Variants in CADPS2 observed in about 807,000 individuals in gnomAD.
CADPS2 encodes the protein calcium-dependent secretion activator 2.
A neutral mutation model predicts 172.5 loss-of-function variants in CADPS2; 93 were observed. The ratio of observed to expected loss-of-function variants is 0.54; its 90% CI spans 0.46 to 0.64. The LOEUF (loss-of-function observed/expected upper bound fraction) is 0.64, where lower values mean the gene tolerates loss of function less well. Among genes scored for constraint, CADPS2 ranks in the 30% least tolerant of loss-of-function variants. The probability of loss-of-function intolerance (pLI) is 0.00; values close to 1 mark genes in which losing one functional copy is unlikely to be tolerated. For synonymous variants in CADPS2, 546 were observed against 555.2 expected (o/e 0.98, Z 0.23); for missense variants, 1,420 against 1,565.9 (o/e 0.91, Z 1.57).
At chr7:122,464,952 A>AG (rs2054943965) in intron 14 of CADPS2, among the ~76,000 whole-genome samples, 1 of 152,210 alleles carries the variant, frequency 6.6e-6, no homozygotes, top group African/African-American at 2.4e-5. Context: ...AATAACATTA[A>AG]GGGAAACGGA....
chr7:122,474,779 G>T (rs1376645069), intron 12 of CADPS2, among the ~76,000 whole-genome samples: 6 of 152,076 alleles, frequency 3.9e-5, no homozygotes, highest in Admixed American at 6.6e-5. Flanking sequence ...TCCAACAGAA[G>T]AATAATCTTA....
At chr7:122,689,847 T>C (rs778937130) in intron 2 of CADPS2, among the ~76,000 whole-genome samples, 1 of 152,178 alleles carries the variant, frequency 6.6e-6, no homozygotes, top group Non-Finnish European at 1.5e-5. Context: ...GTGTCCGCAA[T>C]GGGGGCACCA....
intron 3 of CADPS2, among the ~76,000 whole-genome samples, chr7:122,659,374 T>C (rs2159829): frequency 0.99 from 148,164 of 149,660 alleles, 73,361 homozygotes; most frequent in Middle Eastern, 1. Flanking sequence ...CATTAGTGGA[T>C]TTGACATTGC....
At chr7:122,496,663 G>C (rs1275723747) in intron 9 of CADPS2, among the ~76,000 whole-genome samples, 1 of 152,044 alleles carries the variant, frequency 6.6e-6, no homozygotes, top group Admixed American at 6.6e-5. Context: ...GTTTGGCTTT[G>C]TGGTTCTATT....
At position 122,705,245 on chromosome 7, in the gene CADPS2, C is replaced by T. The variant is rs79797270; in HGVS notation, c.453+31710G>A. 3.3e-3 allele frequency among the ~76,000 whole-genome samples: 493 copies of T among 151,212 alleles called. 2 individuals are homozygous for T. Among genetic ancestry groups the T allele is most frequent in the Non-Finnish European group, 5.8e-3 (393 of 67,854 alleles). ...TGAGGTCTAAGAGTCTTCCTGGAAC[C>T]GCATGTGACTGGGAGACAGAGAGAG... On this transcript the variant is annotated intron_variant, in intron 2 of 29. Coordinates refer to ENST00000449022, the MANE Select transcript of CADPS2 (RefSeq NM_017954.11).
chr7:122,497,482 G>T (rs2058833929), intron 9 of CADPS2, among the ~76,000 whole-genome samples: 1 of 151,920 alleles, frequency 6.6e-6, no homozygotes, highest in Admixed American at 6.6e-5. Context: ...CTTAAATCTT[G>T]TTTTTAAGTC....
intron 1 of CADPS2, among the ~76,000 whole-genome samples, chr7:122,757,156 T>TTTCA (rs2093199168): frequency 6.6e-6 from 1 of 151,608 alleles, no homozygotes; most frequent in Non-Finnish European, 1.5e-5. Context: ...TAGGTATAGT[T>TTTCA]TTTATTTATT....
intron 1 of CADPS2, among the ~76,000 whole-genome samples, chr7:122,834,101 G>A (rs1807484193): frequency 6.6e-6 from 1 of 152,176 alleles, no homozygotes; most frequent in South Asian, 2.1e-4. Context: ...AACTGTTCAG[G>A]AAGGTGTGCC....
intron 2 of CADPS2, among the ~76,000 whole-genome samples, chr7:122,728,877 G>A (rs535042451): frequency 8.0e-4 from 121 of 151,790 alleles, no homozygotes; most frequent in African/African-American, 2.9e-3. Flanking sequence ...TATCACCCAA[G>A]TATTTATTAT....
chr7:122,662,921 T>C (rs915858627), intron 3 of CADPS2, among the ~76,000 whole-genome samples: 9 of 152,324 alleles, frequency 5.9e-5, no homozygotes, highest in Non-Finnish European at 1.3e-4. Flanking sequence ...CTTCTTCAGA[T>C]AGGAGATGAT....
At chr7:122,772,107 T>C (rs1258797457) in intron 1 of CADPS2, among the ~76,000 whole-genome samples, 3 of 152,198 alleles carry the variant, frequency 2.0e-5, no homozygotes, top group Non-Finnish European at 4.4e-5. Context: ...AAACAAAGTT[T>C]AGAATTCAGT....
intron 14 of CADPS2, among the ~76,000 whole-genome samples, chr7:122,463,179 T>C (rs1291975131): frequency 6.6e-6 from 1 of 152,168 alleles, no homozygotes; most frequent in Non-Finnish European, 1.5e-5. Context: ...AAAACATTTA[T>C]AATATTTGAC....
rs184482849 is a variant in CADPS2, at chr7:122,593,644, C to G, written c.1224-12354G>C. On this transcript the variant is annotated intron_variant, in intron 6 of 29. Transcript: ENST00000449022. ...CTGCTTTAGCTTTACTAAATAATAT[C>G]TACCTGAAAAAATTGACAGTTTTGA... is the stretch of plus-strand genomic sequence containing the variant. Among the ~76,000 whole-genome samples the G allele has an allele frequency of 4.2e-3, 640 of 152,076 alleles. 3 individuals carry two copies. Among genetic ancestry groups the G allele is most frequent in the Middle Eastern group, 0.01 (3 of 294 alleles).
chr7:122,612,316 A>G (rs2074394987), intron 6 of CADPS2, among the ~76,000 whole-genome samples: 1 of 152,036 alleles, frequency 6.6e-6, no homozygotes, highest in South Asian at 2.1e-4. Flanking sequence ...TCCACTAAAA[A>G]TTTTAAAGTT....
intron 25 of CADPS2, among the ~76,000 whole-genome samples, chr7:122,361,247 A>T (rs10248302): frequency 0.6 from 49,039 of 81,698 alleles, 12,610 homozygotes; most frequent in African/African-American, 0.67. Context: ...TTTTTTTTTT[A>T]AAATGAGATG....
chr7:122,437,125 T>C (rs986752942), intron 17 of CADPS2, among the ~76,000 whole-genome samples: 1 of 152,142 alleles, frequency 6.6e-6, no homozygotes, highest in Non-Finnish European at 1.5e-5. Flanking sequence ...ATTATTTGAA[T>C]GAGTATTTAA....
At chr7:122,557,763 T>G (rs1394569851) in intron 7 of CADPS2, among the ~76,000 whole-genome samples, 1 of 152,224 alleles carries the variant, frequency 6.6e-6, no homozygotes, top group African/African-American at 2.4e-5. Context: ...ACCGGCTGGC[T>G]ATTTGCCACG....
At chr7:122,554,960 T>C (rs1295508260) in intron 7 of CADPS2, among the ~76,000 whole-genome samples, 1 of 152,102 alleles carries the variant, frequency 6.6e-6, no homozygotes, top group Non-Finnish European at 1.5e-5. Flanking sequence ...CAAGCCACAG[T>C]TGAATTGACG....
intron 2 of CADPS2, among the ~76,000 whole-genome samples, chr7:122,691,793 C>T (rs2084406522): frequency 6.6e-6 from 1 of 152,198 alleles, no homozygotes. Context: ...AAGTCCGTGA[C>T]AGACAGCACA....
Sources: allele counts gnomAD v4.1 joint callset (sites outside exome capture counted in the v4.1 genomes callset), GRCh38; gene constraint gnomAD v4.1.1; transcripts MANE v1.5; gene names NCBI Gene and HGNC (gene_info 2026-07-23, HGNC 2026-07-21).